GRIK5: variants seen among roughly 807,000 people sequenced by gnomAD.
GRIK5 encodes the protein glutamate ionotropic receptor kainate type subunit 5.
Under a neutral mutation model 97.4 loss-of-function variants are expected in GRIK5, and 43 were observed. That is an observed-to-expected ratio of 0.44 (90% CI 0.35 to 0.57). The LOEUF (loss-of-function observed/expected upper bound fraction) is 0.57, where lower values mean the gene tolerates loss of function less well. Ranked by LOEUF, GRIK5 falls within the 20% of genes least tolerant of loss-of-function variation. The pLI is 0.01. For synonymous variants in GRIK5, 580 were observed against 583.5 expected (o/e 0.99, Z 0.09); for missense variants, 1,015 against 1,382.0 (o/e 0.73, Z 4.21).
At chr19:42,012,251 T>C (rs2075572729) in intron 15 of GRIK5, among the ~76,000 whole-genome samples, 1 of 151,998 alleles carries the variant, frequency 6.6e-6, no homozygotes, top group Admixed American at 6.5e-5. Flanking sequence ...TGTATGTATG[T>C]ATGTATTTAT....
Position 41,999,387 on chromosome 19 carries a change from T to C in GRIK5, c.2515-88A>G. 1.0e-6 allele frequency: 1 copy of C among 973,164 alleles called. No homozygotes were observed. The highest frequency in any genetic ancestry group is 1.4e-6 in the Non-Finnish European group (1 of 691,720). The allele number at this position is 973,164 out of a possible 1,614,324, so 60.3% of individuals were successfully genotyped here. On this transcript the variant is annotated intron_variant, in intron 19 of 19. Coordinates refer to ENST00000593562, the MANE Select transcript of GRIK5 (RefSeq NM_002088.5). This position sits in a 1 kb window ranked among gnomAD's most constrained non-coding sequence, Gnocchi z 5.0. ...CTCCACATCCCACTCCTCCTCCTCCTTTCCTCGCCCGGGTCTTTCTTCCTT... is the reference window on the plus strand; with the variant it reads ...CTCCACATCCCACTCCTCCTCCTCCCTTCCTCGCCCGGGTCTTTCTTCCTT...
rs1160670303 is a variant in GRIK5 at position 42,022,528 on chromosome 19, A to T, written c.1474-174T>A. The T allele has an allele frequency of 3.0e-6, 3 of 985,006 alleles. No homozygotes were observed. The highest frequency in any genetic ancestry group is 3.6e-6 in the Non-Finnish European group (3 of 829,870). The allele number at this position is 985,006 out of a possible 1,614,324, so 61.0% of individuals were successfully genotyped here. On this transcript the variant is annotated intron_variant, in intron 12 of 19. Transcript: ENST00000593562. This position sits in a 1 kb window ranked among gnomAD's most constrained non-coding sequence, Gnocchi z 4.2. ...CTCCAGGAGCCCACCTTGGGCCTGA[A>T]ATCGGACCCTCATCGCATGTCCATC...
At chr19:42,054,109 G>C (rs1018755145) in intron 9 of GRIK5, among the ~76,000 whole-genome samples, 180 bp from the exon 10 acceptor site, 1 of 152,120 alleles carries the variant, frequency 6.6e-6, no homozygotes, top group Non-Finnish European at 1.5e-5. Flanking sequence ...GAAGCAAGAG[G>C]AGATGGGACA....
intron 1 of GRIK5, among the ~76,000 whole-genome samples, chr19:42,066,639 G>A (rs541552536): frequency 1.3e-5 from 2 of 151,926 alleles, no homozygotes; most frequent in African/African-American, 4.8e-5. Flanking sequence ...TAGAAATGGA[G>A]AGAAAAGAGG....
At position 42,060,975 on chromosome 19, in the gene GRIK5, C is replaced by T. The variant is rs755216884; in HGVS notation, c.509-1448G>A. On this transcript the variant is annotated intron_variant, in intron 5 of 19. Coordinates refer to ENST00000593562, the MANE Select transcript of GRIK5 (RefSeq NM_002088.5). The stretch of plus-strand genomic sequence containing the variant: ...TCCTCAGAATGTACTTGGACTACTT[C>T]ACCCACGGCTGACCCCAATACCAAG... 2.0e-5 allele frequency among the ~76,000 whole-genome samples: 3 copies of T among 152,218 alleles called. No homozygotes were observed. The South Asian group carries it at 6.2e-4, about 31-fold the overall frequency.
Position 41,998,898 on chromosome 19 carries a change from G to A in GRIK5, c.2916C>T (p.Gly972=). 1 of 1,120,174 alleles carries A rather than the reference G, an allele frequency of 8.9e-7. No individual in the cohort carries two copies. The highest frequency in any genetic ancestry group is 1.1e-6 in the Non-Finnish European group (1 of 916,698). The allele number at this position is 1,120,174 out of a possible 1,614,324, so 69.4% of individuals were successfully genotyped here. Residue 972 remains glycine (G), a synonymous_variant, in exon 20 of 20, where the codon GGC becomes GGT. Transcript: ENST00000593562. ...ACTCGTGCTCCGCCAGCTCCCGGGG[G>A]CCGGCGGGGCCAGGCCGCGGCCGGG... The part of the protein sequence containing the change: ...SPPRPRPGPA[G]PRELAEHE
intron 8 of GRIK5, among the ~76,000 whole-genome samples, chr19:42,055,679 T>A (rs368497693): frequency 2.8e-4 from 43 of 152,178 alleles, no homozygotes; most frequent in African/African-American, 1.0e-3. Context: ...ATAGGTAGTT[T>A]ACCTTTTTTT....
At chr19:42,010,898 T>C (rs1437566887) in intron 15 of GRIK5, among the ~76,000 whole-genome samples, 2 of 152,132 alleles carry the variant, frequency 1.3e-5, no homozygotes, top group East Asian at 3.9e-4. Context: ...CTCAACCTCC[T>C]GGACCCAAGC....
In GRIK5 at chr19:42,065,156, G is replaced by T; in HGVS notation, c.244+67C>A. On this transcript the variant is annotated intron_variant, in intron 3 of 19. Coordinates refer to ENST00000593562, the MANE Select transcript of GRIK5 (RefSeq NM_002088.5). The surrounding 1 kb of genome is among the most constrained non-coding windows in gnomAD (Gnocchi z 5.8). The stretch of plus-strand genomic sequence containing the variant: ...GACAAGGCCAGGCCAGAGGCCAGGG[G>T]CAGAGGGATGGACTGAGGGCCACCG... The T allele has an allele frequency of 7.1e-7, 1 of 1,405,808 alleles. No individual in the cohort carries two copies. Among genetic ancestry groups the T allele is most frequent in the Non-Finnish European group, 9.8e-7 (1 of 1,018,614 alleles). The allele number at this position is 1,405,808 out of a possible 1,614,324, so 87.1% of individuals were successfully genotyped here. A position where few individuals can be genotyped will look rare whatever the true frequency, so the allele number is the denominator to read the frequency against.
At chr19:42,055,430 C>A (rs147187752) in intron 8 of GRIK5, among the ~76,000 whole-genome samples, 8 of 152,290 alleles carry the variant, frequency 5.3e-5, no homozygotes, top group African/African-American at 1.7e-4. Context: ...CATAAATATG[C>A]ATCTTTTGTA....
In GRIK5 at chr19:42,062,370, G is replaced by T; in HGVS notation, c.508+118C>A. On this transcript the variant is annotated intron_variant, in intron 5 of 19. Transcript: ENST00000593562. The surrounding 1 kb of genome is among the most constrained non-coding windows in gnomAD (Gnocchi z 5.3). ...GTTTCTGAAGATGGGAGAAGAGCCT[G>T]GTGCCTGGGTGCCCCAGGGTTCTAA... 1.1e-6 allele frequency: 1 copy of T among 951,190 alleles called. No individual in the cohort carries two copies. The highest frequency in any genetic ancestry group is 1.6e-6 in the Non-Finnish European group (1 of 637,680). 58.9% of individuals were successfully genotyped at this position (951,190 alleles called of 1,614,324 possible). A position where few individuals can be genotyped will look rare whatever the true frequency, so the allele number is the denominator to read the frequency against.
rs552579226 is a variant in GRIK5, at chr19:42,062,119, C to T, written c.508+369G>A. Among the ~76,000 whole-genome samples the T allele has an allele frequency of 6.6e-6, 1 of 152,192 alleles. No individual in the cohort carries two copies. The highest frequency in any genetic ancestry group is 1.5e-5 in the Non-Finnish European group (1 of 68,032). On this transcript the variant is annotated intron_variant, in intron 5 of 19. Coordinates refer to ENST00000593562, the MANE Select transcript of GRIK5 (RefSeq NM_002088.5). This position sits in a 1 kb window ranked among gnomAD's most constrained non-coding sequence, Gnocchi z 5.3. ...ACCTCCCAGATGGATTAGGATCCCT[C>T]CTATGTGATACCAGAGGCTCCACGT...
chr19:42,044,370 A>G (rs897298005), intron 11 of GRIK5, among the ~76,000 whole-genome samples: 1 of 152,194 alleles, frequency 6.6e-6, no homozygotes, highest in Non-Finnish European at 1.5e-5. Flanking sequence ...GCCAAAACAA[A>G]CACAGTTTCT....
intron 12 of GRIK5, among the ~76,000 whole-genome samples, chr19:42,033,323 A>C (rs1438825811): frequency 6.6e-6 from 1 of 151,888 alleles, no homozygotes; most frequent in Non-Finnish European, 1.5e-5. Context: ...GTCTCAAAAA[A>C]AAAAAAAAAA....
Position 41,999,320 on chromosome 19 carries a change from C to T in GRIK5, c.2515-21G>A, listed in dbSNP as rs1555870422. The T allele has an allele frequency of 6.7e-7, 1 of 1,502,192 alleles. No individual in the cohort carries two copies. Among genetic ancestry groups the T allele is most frequent in the Non-Finnish European group, 8.8e-7 (1 of 1,132,106 alleles). 93.1% of individuals were successfully genotyped at this position (1,502,192 alleles called of 1,614,324 possible). On this transcript the variant is annotated intron_variant, in intron 19 of 19. Transcript: ENST00000593562. The surrounding 1 kb of genome is among the most constrained non-coding windows in gnomAD (Gnocchi z 5.0). ...GACACCTGGGGGTGGCGCGGGCGGT[C>T]ACCGTCCCGGCGCAGTCCGCCTCCC...
At chr19:42,019,222 G>T (rs1034707575) in intron 15 of GRIK5, among the ~76,000 whole-genome samples, 1 of 152,074 alleles carries the variant, frequency 6.6e-6, no homozygotes, top group Non-Finnish European at 1.5e-5. Context: ...GTCATGGCAG[G>T]TCTCCTAGGC....
At chr19:42,020,051 C>T (rs558182873) in intron 15 of GRIK5, among the ~76,000 whole-genome samples, 4 of 150,450 alleles carry the variant, frequency 2.7e-5, no homozygotes, top group Non-Finnish European at 4.4e-5. Flanking sequence ...TGCCGTGGCA[C>T]GATCACAGCT....
At chr19:42,057,182 T>C (rs1254344781) in intron 6 of GRIK5, among the ~76,000 whole-genome samples, 3 of 152,104 alleles carry the variant, frequency 2.0e-5, no homozygotes, top group African/African-American at 7.2e-5. Context: ...CCTTAGTCCC[T>C]GGTGTCCCGC....
Position 42,003,610 on chromosome 19 carries a change from C to T in GRIK5, c.2337G>A (p.Lys779=). The T allele has an allele frequency of 6.2e-7, 1 of 1,613,788 alleles. No individual in the cohort carries two copies. ...LQENNRLEIL[K]RKWWEGGRCP... ...ACCGGCCCCCCTCCCACCACTTGCG[C>T]TTCAGGATCTCCAGCCGGTTGTTCT... The change falls in exon 18 of 20, where the codon AAG becomes AAA. Residue 779 remains lysine, a synonymous_variant. Transcript: ENST00000593562. This position sits in a 1 kb window ranked among gnomAD's most constrained non-coding sequence, Gnocchi z 4.2.
Sources: allele counts gnomAD v4.1 joint callset (sites outside exome capture counted in the v4.1 genomes callset), GRCh38; gene constraint gnomAD v4.1.1; non-coding constraint Gnocchi (gnomAD v3.1); transcripts MANE v1.5; gene names NCBI Gene and HGNC (gene_info 2026-07-23, HGNC 2026-07-21).